CD72: variants seen among roughly 807,000 people sequenced by gnomAD.
The protein encoded by CD72 is CD72 molecule.
A neutral mutation model predicts 50.7 loss-of-function variants in CD72; 28 were observed. That is an observed-to-expected ratio of 0.55 (90% CI 0.41 to 0.76). The LOEUF (loss-of-function observed/expected upper bound fraction) is 0.76. Ranked by LOEUF, CD72 falls within the 30% of genes least tolerant of loss-of-function variation. The probability of loss-of-function intolerance (pLI) is 0.00; values close to 1 mark genes in which losing one functional copy is unlikely to be tolerated. For missense variants in CD72, 403 were observed against 420.6 expected, an observed-to-expected ratio of 0.96 and a Z score of 0.37; for synonymous variants, 176 against 171.2, an observed-to-expected ratio of 1.03 and a Z score of -0.22.
chr9:35,610,782 A>G (rs1307218777), intron 7 of CD72, 29 bp from the exon 8 acceptor site: 2 of 1,589,796 alleles, frequency 1.3e-6, no homozygotes, highest in East Asian at 2.2e-5. Context: ...GAGCTGGGAT[A>G]TGCTCTGGAC....
intron 2 of CD72, among the ~76,000 whole-genome samples, chr9:35,617,670 G>C (rs1275774299): frequency 6.6e-6 from 1 of 152,028 alleles, no homozygotes; most frequent in Non-Finnish European, 1.5e-5. Context: ...TCCACCTTGC[G>C]GGAGGAATCT....
At chr9:35,618,584 T>G (rs2131770960), upstream of CD72, 2 of 679,226 alleles carry the variant, frequency 2.9e-6, no homozygotes, top group African/African-American at 1.8e-5. Flanking sequence ...CCTGTCCCCA[T>G]GTCCTCCCTG....
intron 1 of CD72, among the ~76,000 whole-genome samples, chr9:35,637,358 C>G (rs985490471): frequency 1.3e-5 from 2 of 152,128 alleles, no homozygotes; most frequent in Non-Finnish European, 2.9e-5. Flanking sequence ...TGCTGAAGAC[C>G]CGGGACAGGA....
intron 5 of CD72, among the ~76,000 whole-genome samples, chr9:35,615,502 C>A (rs1823050590): frequency 3.3e-5 from 5 of 152,108 alleles, no homozygotes; most frequent in Admixed American, 3.3e-4. Flanking sequence ...TGCCCCACCA[C>A]CAGGTTGCAC....
chr9:35,618,131 A>T lies in CD72; in HGVS notation c.83-10T>A, dbSNP rs757714897. 1.3e-5 allele frequency: 21 copies of T among 1,611,386 alleles called. No homozygotes were observed. In the South Asian group the frequency reaches 1.9e-4, roughly 14 times the overall value. The stretch of plus-strand genomic sequence containing the variant: ...TCATCAGCCCCTGGGTCTAGAGAGA[A>T]GAGAAAAGGGACCAAGGTGGGATTT... On this transcript the variant is annotated splice_polypyrimidine_tract_variant and intron_variant, in intron 1 of 8. Transcript: ENST00000259633.
At chr9:35,612,095 A>T (rs1411738562) in intron 6 of CD72, among the ~76,000 whole-genome samples, 176 bp from the exon 7 acceptor site, 2 of 152,188 alleles carry the variant, frequency 1.3e-5, no homozygotes, top group Non-Finnish European at 2.9e-5. Flanking sequence ...CTCACTGCTA[A>T]ATTTGCCTTC....
intron 1 of CD72, among the ~76,000 whole-genome samples, chr9:35,632,500 C>T (rs528681688): frequency 1.8e-4 from 27 of 151,038 alleles, no homozygotes; most frequent in South Asian, 4.2e-4. Flanking sequence ...TGTTTTCTTT[C>T]TCATAACTAA....
At chr9:35,632,769 G>T (rs1238919583) in intron 1 of CD72, among the ~76,000 whole-genome samples, 1 of 150,320 alleles carries the variant, frequency 6.7e-6, no homozygotes, top group Non-Finnish European at 1.5e-5. Flanking sequence ...GGAGAGACAG[G>T]TTTTCACCGT....
At chr9:35,629,653 G>A (rs1038495505) in intron 1 of CD72, among the ~76,000 whole-genome samples, 1 of 152,268 alleles carries the variant, frequency 6.6e-6, no homozygotes, top group African/African-American at 2.4e-5. Context: ...GGCAAAAGTG[G>A]GACAGAGCAA....
At chr9:35,616,410 T>G (rs1823065038) in intron 4 of CD72, 132 bp from the exon 5 acceptor site, 1 of 862,396 alleles carries the variant, frequency 1.2e-6, no homozygotes, top group Non-Finnish European at 1.8e-6. Flanking sequence ...TTTGACTGAC[T>G]AAAGCGTAAG....
At chr9:35,642,313 A>G (rs1340925967) in intron 1 of CD72, among the ~76,000 whole-genome samples, 1 of 152,224 alleles carries the variant, frequency 6.6e-6, no homozygotes, top group Non-Finnish European at 1.5e-5. Flanking sequence ...CCCTTCAAGT[A>G]ATACAGCTTG....
chr9:35,646,271 A>G (rs1183692026), intron 1 of CD72: 1 of 152,054 alleles, frequency 6.6e-6, no homozygotes, highest in Non-Finnish European at 1.5e-5. Context: ...AGGCTTTAAG[A>G]AAGAGGAGGG....
intron 1 of CD72, among the ~76,000 whole-genome samples, chr9:35,626,689 A>G (rs1216427195): frequency 6.6e-6 from 1 of 152,226 alleles, no homozygotes; most frequent in Non-Finnish European, 1.5e-5. Flanking sequence ...GCAGCTACCA[A>G]CATCAAGGCA....
upstream of CD72, chr9:35,618,975 C>T (rs1443323950): frequency 6.1e-6 from 2 of 327,172 alleles, no homozygotes; most frequent in African/African-American, 2.2e-5. Context: ...AGCAGGTGAG[C>T]AAGGGAGTTG....
chr9:35,626,705 C>A (rs913014836), intron 1 of CD72, among the ~76,000 whole-genome samples: 1 of 152,194 alleles, frequency 6.6e-6, no homozygotes, highest in African/African-American at 2.4e-5. Context: ...AGGCAAGACC[C>A]TCCACTGGCA....
chr9:35,627,329 C>T (rs923295713), intron 1 of CD72, among the ~76,000 whole-genome samples: 2 of 150,750 alleles, frequency 1.3e-5, no homozygotes, highest in African/African-American at 2.4e-5. Flanking sequence ...AGGGTTTCAC[C>T]GTGTTCCCCA....
At chr9:35,642,282 A>G (rs1823347595) in intron 1 of CD72, among the ~76,000 whole-genome samples, 1 of 152,246 alleles carries the variant, frequency 6.6e-6, no homozygotes, top group Admixed American at 6.5e-5. Flanking sequence ...GAGTTGCACA[A>G]GTGCACAGTC....
upstream of CD72, among the ~76,000 whole-genome samples, chr9:35,621,774 A>T (rs1823148873): frequency 6.6e-6 from 1 of 152,198 alleles, no homozygotes; most frequent in South Asian, 2.1e-4. Context: ...CTCAACCCAT[A>T]GGTCCTGATT....
chr9:35,617,867 G>T, intron 2 of CD72, 147 bp downstream of exon 2: 1 of 684,570 alleles, frequency 1.5e-6, no homozygotes, highest in Non-Finnish European at 2.7e-6. Context: ...GGAGGTCGAG[G>T]CTGCAGTGAG....
Sources: gnomAD v4.1 joint callset for allele counts (sites outside exome capture counted in the v4.1 genomes callset) on GRCh38, gnomAD v4.1.1 for gene constraint, MANE v1.5 for transcripts, NCBI Gene and HGNC (gene_info 2026-07-23, HGNC 2026-07-21) for gene names.